Variants in KIZ observed in about 807,000 individuals in gnomAD.
The protein encoded by KIZ is kizuna centrosomal protein.
In KIZ, 68 loss-of-function variants were observed where a neutral mutation model predicts 79.6. That is an observed-to-expected ratio of 0.85 (90% CI 0.70 to 1.05). KIZ has a LOEUF of 1.05. KIZ is among the 50% of genes least tolerant of loss of function. The pLI, the probability that KIZ is intolerant of heterozygous loss-of-function variation, is 0.00. For missense variants in KIZ, 797 were observed against 800.4 expected, an observed-to-expected ratio of 1.00 and a Z score of 0.05; for synonymous variants, 280 against 281.8, an observed-to-expected ratio of 0.99 and a Z score of 0.06.
intron 6 of KIZ, among the ~76,000 whole-genome samples, chr20:21,185,366 C>T (rs2034830936): frequency 6.8e-6 from 1 of 147,438 alleles, no homozygotes; most frequent in African/African-American, 2.5e-5. Flanking sequence ...GTTTTCTTTA[C>T]TGTAGTGATT....
Position 21,205,689 on chromosome 20 carries a change from G to A in KIZ, c.1446+105G>A, listed in dbSNP as rs529175699. The A allele has an allele frequency of 6.5e-4, 361 of 559,636 alleles. 1 individual carries two copies. Among genetic ancestry groups the A allele is most frequent in the African/African-American group, 6.1e-3 (309 of 50,998 alleles). 34.7% of individuals were successfully genotyped at this position (559,636 alleles called of 1,614,324 possible). A position where few individuals can be genotyped will look rare whatever the true frequency, so the allele number is the denominator to read the frequency against. On this transcript the variant is annotated intron_variant, in intron 7 of 12. Transcript: ENST00000619189. ...AAAAAAAAAAAAGTTTTGGCCAGGC[G>A]CCGTGGCTCACGCCTGTAATCCCAG... is the stretch of plus-strand genomic sequence containing the variant.
At chr20:21,236,820 A>C (rs961570255) in intron 11 of KIZ, among the ~76,000 whole-genome samples, 4 of 150,866 alleles carry the variant, frequency 2.7e-5, no homozygotes, top group African/African-American at 9.8e-5. Context: ...CATGGTGAAT[A>C]TCCCTATCTT....
intron 9 of KIZ, among the ~76,000 whole-genome samples, chr20:21,222,337 G>A (rs1281436811): frequency 6.6e-6 from 1 of 152,282 alleles, no homozygotes; most frequent in Non-Finnish European, 1.5e-5. Flanking sequence ...CCACACCCTT[G>A]TGCAATTATT....
intron 3 of KIZ, among the ~76,000 whole-genome samples, chr20:21,139,502 A>G (rs1341853761): frequency 6.6e-6 from 1 of 152,212 alleles, no homozygotes; most frequent in Non-Finnish European, 1.5e-5. Flanking sequence ...CCACTTTTCA[A>G]AGATTTCATG....
At chr20:21,139,382 TG>T (rs2032388172) in intron 3 of KIZ, among the ~76,000 whole-genome samples, 1 of 152,144 alleles carries the variant, frequency 6.6e-6, no homozygotes, top group Non-Finnish European at 1.5e-5. Flanking sequence ...CCAAGATATA[TG>T]GTTAAATGTG....
At chr20:21,126,325 C>A in intron 1 of KIZ, 121 bp downstream of exon 1, 1 of 612,538 alleles carries the variant, frequency 1.6e-6, no homozygotes, top group Non-Finnish European at 2.6e-6. Context: ...CCGCGCGCAA[C>A]GCCCCCCAGG....
intron 7 of KIZ, 140 bp downstream of exon 7, chr20:21,205,724 A>G (rs1199969293): frequency 3.9e-6 from 2 of 509,254 alleles, no homozygotes; most frequent in East Asian, 6.6e-5. Context: ...GCACTTTTGG[A>G]TGCTGAGGCA....
intron 2 of KIZ, among the ~76,000 whole-genome samples, chr20:21,133,371 T>C (rs1726522065): frequency 6.6e-6 from 1 of 152,246 alleles, no homozygotes; most frequent in Admixed American, 6.5e-5. Context: ...TGCTGTGGCC[T>C]CAAGAGTGGG....
At chr20:21,216,669 TTTTTA>T (rs1467368938) in intron 9 of KIZ, among the ~76,000 whole-genome samples, 3 of 152,228 alleles carry the variant, frequency 2.0e-5, no homozygotes, top group Non-Finnish European at 4.4e-5. Context: ...CTCCCTGCTA[TTTTTA>T]TTAATAGAAA....
chr20:21,141,817 ACACACACTCTCT>A (rs1046491051), intron 3 of KIZ, among the ~76,000 whole-genome samples: 5 of 139,470 alleles, frequency 3.6e-5, no homozygotes, highest in African/African-American at 1.5e-4. Flanking sequence ...ACACACACAC[ACACACACTCTCT>A]CTCTCTCTCT....
chr20:21,192,395 C>T (rs932082562), intron 6 of KIZ, among the ~76,000 whole-genome samples: 1 of 151,164 alleles, frequency 6.6e-6, no homozygotes, highest in South Asian at 2.1e-4. Context: ...AGCGATCCTC[C>T]TGCCTCACCC....
At chr20:21,233,570 G>A (rs2036903174) in intron 11 of KIZ, among the ~76,000 whole-genome samples, 2 of 152,160 alleles carry the variant, frequency 1.3e-5, no homozygotes, top group African/African-American at 4.8e-5. Context: ...TTTTGGAACA[G>A]CATTGCTCAG....
chr20:21,178,649 G>A (rs1328609728), intron 6 of KIZ, among the ~76,000 whole-genome samples: 1 of 152,066 alleles, frequency 6.6e-6, no homozygotes, highest in Non-Finnish European at 1.5e-5. Flanking sequence ...TGTCTTGTTC[G>A]TGATCTCAAA....
At chr20:21,157,064 C>A (rs1457917714) in intron 4 of KIZ, among the ~76,000 whole-genome samples, 2 of 151,984 alleles carry the variant, frequency 1.3e-5, no homozygotes, top group African/African-American at 4.8e-5. Context: ...TTCGAGTCCA[C>A]CCTGGGCAAC....
intron 3 of KIZ, among the ~76,000 whole-genome samples, chr20:21,137,799 CAG>C (rs1353934352): frequency 6.6e-6 from 1 of 152,110 alleles, no homozygotes; most frequent in African/African-American, 2.4e-5. Context: ...CTTTTTGAGA[CAG>C]GGCCTTACCA....
At chr20:21,242,014 C>T (rs890983394) in intron 11 of KIZ, among the ~76,000 whole-genome samples, 3 of 152,204 alleles carry the variant, frequency 2.0e-5, no homozygotes, top group Non-Finnish European at 4.4e-5. Context: ...AAGCAGGGCC[C>T]TATGCTTAGT....
At chr20:21,223,653 TTC>T (rs1008937909) in intron 9 of KIZ, among the ~76,000 whole-genome samples, 23 of 151,840 alleles carry the variant, frequency 1.5e-4, no homozygotes, top group African/African-American at 3.1e-4. Flanking sequence ...ATATCCTATT[TTC>T]TCTCTCTCTC....
chr20:21,201,689 A>G (rs997553353), intron 6 of KIZ, among the ~76,000 whole-genome samples: 9 of 152,238 alleles, frequency 5.9e-5, no homozygotes, highest in African/African-American at 2.2e-4. Context: ...CCTTTATTAC[A>G]TTTTTAATTA....
chr20:21,173,714 G>A lies in KIZ; in HGVS notation c.1352+10555G>A, dbSNP rs371146382. Among the ~76,000 whole-genome samples, 24 of 152,176 alleles carry A rather than the reference G, an allele frequency of 1.6e-4. 1 individual carries two copies. The South Asian group carries it at 5.0e-3, about 32-fold the overall frequency. ...TATTTATTGAGATAAGGAACATGTAGGAGGCACAGACTTGAAGGAAAGAAA... is the reference window on the plus strand; with the variant it reads ...TATTTATTGAGATAAGGAACATGTAAGAGGCACAGACTTGAAGGAAAGAAA... On this transcript the variant is annotated intron_variant, in intron 6 of 12. Transcript: ENST00000619189.
Sources: gnomAD v4.1 joint callset for allele counts (sites outside exome capture counted in the v4.1 genomes callset) on GRCh38, gnomAD v4.1.1 for gene constraint, MANE v1.5 for transcripts, NCBI Gene and HGNC (gene_info 2026-07-23, HGNC 2026-07-21) for gene names.